ST3GAL3: variants seen among roughly 807,000 people sequenced by gnomAD.
ST3GAL3 encodes ST3 beta-galactoside alpha-2,3-sialyltransferase 3.
Under a neutral mutation model 50.1 loss-of-function variants are expected in ST3GAL3, and 21 were observed. The observed-to-expected ratio is 0.42, with a 90% CI of 0.30 to 0.60. ST3GAL3 has a LOEUF of 0.60. ST3GAL3 is among the 20% of genes least tolerant of loss of function. The pLI is 0.19. For synonymous variants in ST3GAL3, 183 were observed against 190.0 expected (o/e 0.96, Z 0.30); for missense variants, 353 against 489.4 (o/e 0.72, Z 2.63).
intron 5 of ST3GAL3, among the ~76,000 whole-genome samples, chr1:43,848,116 C>A (rs900692390): frequency 1.3e-5 from 2 of 152,104 alleles, no homozygotes; most frequent in Admixed American, 6.6e-5. Context: ...ACCCCTCCCC[C>A]ACTACCTTAA....
chr1:43,730,149 C>T (rs1416879998), intron 1 of ST3GAL3, among the ~76,000 whole-genome samples: 2 of 152,178 alleles, frequency 1.3e-5, no homozygotes, highest in Non-Finnish European at 2.9e-5. Context: ...ATTTGTTCTA[C>T]TCTTGTCATT....
intron 2 of ST3GAL3, among the ~76,000 whole-genome samples, chr1:43,765,916 T>G (rs1400377361): frequency 8.1e-6 from 1 of 123,392 alleles, no homozygotes; most frequent in Non-Finnish European, 1.8e-5. Flanking sequence ...ATAACAGGAT[T>G]GATGTCTTTC....
At chr1:43,800,625 C>T (rs1242820944) in intron 3 of ST3GAL3, among the ~76,000 whole-genome samples, 1 of 152,218 alleles carries the variant, frequency 6.6e-6, no homozygotes, top group Non-Finnish European at 1.5e-5. Context: ...TGCTAGCCTA[C>T]TTCATGATTG....
At chr1:43,817,584 TC>T (rs1558437555) in intron 4 of ST3GAL3, among the ~76,000 whole-genome samples, 1,300 of 27,562 alleles carry the variant, frequency 0.047, 45 homozygotes, top group African/African-American at 0.061. Context: ...CTCCTTCTCC[TC>T]CTTCTCCTCC....
chr1:43,757,938 G>A (rs541335071), intron 2 of ST3GAL3, among the ~76,000 whole-genome samples: 1 of 152,100 alleles, frequency 6.6e-6, no homozygotes, highest in East Asian at 1.9e-4. Context: ...TCAAAACAAA[G>A]TCAATACAAG....
intron 1 of ST3GAL3, among the ~76,000 whole-genome samples, chr1:43,711,833 T>G (rs545683839): frequency 6.6e-6 from 1 of 152,372 alleles, no homozygotes; most frequent in African/African-American, 2.4e-5. Flanking sequence ...AGTTAAATTA[T>G]ATTCAGGGTA....
At chr1:43,756,885 G>C (rs930322116) in intron 2 of ST3GAL3, among the ~76,000 whole-genome samples, 8 of 152,134 alleles carry the variant, frequency 5.3e-5, no homozygotes, top group African/African-American at 1.7e-4. Flanking sequence ...ACCTATTAAT[G>C]TTACTAAATC....
chr1:43,917,443 A>AATATATAAT (rs1284151686), intron 9 of ST3GAL3, among the ~76,000 whole-genome samples: 1 of 79,108 alleles, frequency 1.3e-5, no homozygotes, highest in African/African-American at 4.6e-5. Flanking sequence ...TTGCATATAT[A>AATATATAAT]ATATATAATA....
At chr1:43,732,414 G>C (rs1334929780) in intron 1 of ST3GAL3, among the ~76,000 whole-genome samples, 1 of 152,178 alleles carries the variant, frequency 6.6e-6, no homozygotes, top group Non-Finnish European at 1.5e-5. Flanking sequence ...GCTCTTGTAG[G>C]GTGGCTTCTC....
chr1:43,911,753 T>A (rs2080974273), intron 9 of ST3GAL3: 1 of 151,512 alleles, frequency 6.6e-6, no homozygotes, highest in Non-Finnish European at 1.5e-5. Flanking sequence ...AGTGGTGCGA[T>A]CTTGGCTCAC....
chr1:43,753,983 G>A (rs371064214), intron 2 of ST3GAL3, among the ~76,000 whole-genome samples: 6 of 152,224 alleles, frequency 3.9e-5, no homozygotes, highest in African/African-American at 1.4e-4. Flanking sequence ...TTCACAGAAC[G>A]TCAGTTCATT....
intron 1 of ST3GAL3, among the ~76,000 whole-genome samples, chr1:43,729,658 G>A (rs1179090662): frequency 6.6e-6 from 1 of 152,134 alleles, no homozygotes; most frequent in Non-Finnish European, 1.5e-5. Flanking sequence ...TATTTAGAAA[G>A]GAAGGGATAG....
intron 5 of ST3GAL3, among the ~76,000 whole-genome samples, chr1:43,847,361 T>C (rs2066429485): frequency 6.6e-6 from 1 of 152,236 alleles, no homozygotes; most frequent in African/African-American, 2.4e-5. Context: ...TTATTCATTA[T>C]TGCCAAAAAG....
chr1:43,865,686 G>A (rs1433586134), intron 5 of ST3GAL3, among the ~76,000 whole-genome samples: 1 of 152,194 alleles, frequency 6.6e-6, no homozygotes, highest in Non-Finnish European at 1.5e-5. Flanking sequence ...AAAGTGAGGT[G>A]TCAGGAGGGG....
At chr1:43,844,689 C>T (rs941319422) in intron 5 of ST3GAL3, among the ~76,000 whole-genome samples, 2 of 152,134 alleles carry the variant, frequency 1.3e-5, no homozygotes, top group African/African-American at 4.8e-5. Context: ...GCGGGCACTA[C>T]GGTGGCGGGC....
intron 9 of ST3GAL3, among the ~76,000 whole-genome samples, chr1:43,915,672 C>T (rs978504490): frequency 7.2e-5 from 11 of 152,166 alleles, no homozygotes; most frequent in Non-Finnish European, 1.2e-4. Flanking sequence ...GGAGCAGCAT[C>T]AGCAAAAGTG....
chr1:43,860,631 T>C (rs929846770), intron 5 of ST3GAL3, among the ~76,000 whole-genome samples: 2 of 152,150 alleles, frequency 1.3e-5, no homozygotes, highest in African/African-American at 4.8e-5. Context: ...GGAAGAAAGG[T>C]AGGACTGGCC....
intron 5 of ST3GAL3, among the ~76,000 whole-genome samples, chr1:43,867,932 C>T (rs1204638814): frequency 6.6e-6 from 1 of 151,998 alleles, no homozygotes; most frequent in Non-Finnish European, 1.5e-5. Flanking sequence ...AATTTCTCTC[C>T]AAAATTATGG....
Position 43,838,363 on chromosome 1 carries a change from A to G in ST3GAL3, c.302+52A>G, listed in dbSNP as rs772270475. The stretch of plus-strand genomic sequence containing the variant: ...CCTAGACAGCCTGGTCTGGGGTCCA[A>G]GAGCCAGAAACTCTGCCTCTCACAG... On this transcript the variant is annotated intron_variant, in intron 5 of 11. Transcript: ENST00000347631. 6 of 1,535,378 alleles carry G rather than the reference A, an allele frequency of 3.9e-6. No homozygotes were observed. The South Asian group carries it at 4.5e-5, about 11-fold the overall frequency.
Sources: allele counts gnomAD v4.1 joint callset (sites outside exome capture counted in the v4.1 genomes callset), GRCh38; gene constraint gnomAD v4.1.1; transcripts MANE v1.5; gene names NCBI Gene and HGNC (gene_info 2026-07-23, HGNC 2026-07-21).